Variants in GALNT18 observed in about 807,000 individuals in gnomAD.
The protein encoded by GALNT18 is GalNAc-transferase 18.
Under a neutral mutation model 69.5 loss-of-function variants are expected in GALNT18, and 44 were observed. The ratio of observed to expected loss-of-function variants is 0.63; its 90% CI spans 0.50 to 0.81. The LOEUF (loss-of-function observed/expected upper bound fraction) is 0.81. Ranked by LOEUF, GALNT18 falls within the 40% of genes least tolerant of loss-of-function variation. GALNT18 has a pLI of 0.00. For missense variants in GALNT18, 715 were observed against 810.0 expected (o/e 0.88, Z 1.42); for synonymous variants, 364 against 318.2 (o/e 1.14, Z -1.53).
Position 11,541,602 on chromosome 11 carries a change from C to A in GALNT18, c.235+79757G>T, listed in dbSNP as rs1590084625. ...AAGCCTTCCTGGGCTGGCACCCCAG[C>A]CCCACCCACAAATGCATCTCTGCCT... On this transcript the variant is annotated intron_variant, in intron 1 of 10. Coordinates refer to ENST00000227756, the MANE Select transcript of GALNT18 (RefSeq NM_198516.3). The surrounding 1 kb of genome is among the most constrained non-coding windows in gnomAD (Gnocchi z 4.8). Among the ~76,000 whole-genome samples, 1 of 152,152 alleles carries A rather than the reference C, an allele frequency of 6.6e-6. No homozygotes were observed. The highest frequency in any genetic ancestry group is 2.1e-4 in the South Asian group (1 of 4,816).
At chr11:11,388,074 A>G (rs935772403) in intron 3 of GALNT18, among the ~76,000 whole-genome samples, 2 of 152,232 alleles carry the variant, frequency 1.3e-5, no homozygotes, top group Non-Finnish European at 2.9e-5. Flanking sequence ...TACTCAGGCT[A>G]CAGGGTTCAG....
At chr11:11,476,162 C>T (rs1856392370) in intron 1 of GALNT18, 1 of 152,194 alleles carries the variant, frequency 6.6e-6, no homozygotes, top group Non-Finnish European at 1.5e-5. Flanking sequence ...GCCAGGTCCC[C>T]CTGGAAATCA....
At chr11:11,462,026 G>A (rs1856055040) in intron 1 of GALNT18, among the ~76,000 whole-genome samples, 1 of 152,230 alleles carries the variant, frequency 6.6e-6, no homozygotes, top group African/African-American at 2.4e-5. Context: ...GCGGGGTGCT[G>A]TAGGAACAGC....
intron 2 of GALNT18, among the ~76,000 whole-genome samples, chr11:11,447,458 C>T (rs969380430): frequency 6.6e-6 from 1 of 152,226 alleles, no homozygotes; most frequent in African/African-American, 2.4e-5. Context: ...ACTAGAATGC[C>T]AGCTCTGTGA....
At chr11:11,499,851 G>T (rs1185699555) in intron 1 of GALNT18, among the ~76,000 whole-genome samples, 1 of 152,184 alleles carries the variant, frequency 6.6e-6, no homozygotes, top group African/African-American at 2.4e-5. Flanking sequence ...GGGTAATGTG[G>T]ATGGGAAGAG....
intron 1 of GALNT18, among the ~76,000 whole-genome samples, chr11:11,518,327 A>G (rs10741552): frequency 0.86 from 130,663 of 152,270 alleles, 56,737 homozygotes; most frequent in Non-Finnish European, 0.92. Context: ...AATGATGTGC[A>G]AATGAGAAAA....
chr11:11,545,301 C>A (rs757376116), intron 1 of GALNT18, among the ~76,000 whole-genome samples: 2 of 152,164 alleles, frequency 1.3e-5, no homozygotes, highest in East Asian at 3.8e-4. Context: ...AAGCAACAAC[C>A]GAAACCAGTC....
At chr11:11,489,916 G>T (rs1856726520) in intron 1 of GALNT18, among the ~76,000 whole-genome samples, 2 of 152,076 alleles carry the variant, frequency 1.3e-5, no homozygotes, top group African/African-American at 4.8e-5. Flanking sequence ...TTAGAGTCTG[G>T]CTCTAGCCTC....
At chr11:11,352,454 C>T in intron 6 of GALNT18, 1 of 1,614,126 alleles carries the variant, frequency 6.2e-7, no homozygotes, top group Non-Finnish European at 8.5e-7. Context: ...TCATACTTGC[C>T]AGCATACAAC....
chr11:11,452,921 G>T (rs1043358708), intron 1 of GALNT18, among the ~76,000 whole-genome samples: 1 of 152,186 alleles, frequency 6.6e-6, no homozygotes, highest in Admixed American at 6.5e-5. Flanking sequence ...GGGCCCATTC[G>T]AGGCAGAGAT....
rs116728080 is a variant in GALNT18 at position 11,355,444 on chromosome 11, C to T, written c.1093-14440G>A. ...GCACAAAAAATTCTCAGTAGAATGA[C>T]CATATGTTCTGGTTTGCTGGGGACT... On this transcript the variant is annotated intron_variant, in intron 6 of 10. Coordinates refer to ENST00000227756, the MANE Select transcript of GALNT18 (RefSeq NM_198516.3). Among the ~76,000 whole-genome samples the T allele has an allele frequency of 5.1e-3, 779 of 152,216 alleles. 5 individuals carry two copies. Among genetic ancestry groups the T allele is most frequent in the African/African-American group, 0.018 (734 of 41,514 alleles).
chr11:11,301,060 G>A (rs1250165360), intron 9 of GALNT18, among the ~76,000 whole-genome samples: 1 of 152,106 alleles, frequency 6.6e-6, no homozygotes, highest in African/African-American at 2.4e-5. Context: ...GACAAGGTAG[G>A]CAGGGACGAG....
intron 3 of GALNT18, among the ~76,000 whole-genome samples, chr11:11,411,128 C>A (rs1165550523): frequency 6.6e-6 from 1 of 152,086 alleles, no homozygotes; most frequent in African/African-American, 2.4e-5. Flanking sequence ...TCCTGGGCAA[C>A]ACAGCAAGAC....
chr11:11,324,748 G>T (rs2722764), intron 9 of GALNT18, among the ~76,000 whole-genome samples: 133,767 of 152,096 alleles, frequency 0.88, 58,937 homozygotes, highest in Middle Eastern at 0.96. Context: ...TTTGATGAGA[G>T]TATGTGTTTT....
intron 6 of GALNT18, chr11:11,353,308 C>A: frequency 1.5e-6 from 1 of 673,282 alleles, no homozygotes. Flanking sequence ...GAGTGGGGAG[C>A]AATTTTCTAA....
chr11:11,424,708 A>C (rs1236392159), intron 3 of GALNT18, among the ~76,000 whole-genome samples: 1 of 152,144 alleles, frequency 6.6e-6, no homozygotes, highest in East Asian at 1.9e-4. Context: ...AGGAGGAGCC[A>C]GGGTGCGTGG....
chr11:11,322,970 G>A (rs1849862652), intron 9 of GALNT18, among the ~76,000 whole-genome samples: 1 of 150,552 alleles, frequency 6.6e-6, no homozygotes, highest in Non-Finnish European at 1.5e-5. Context: ...GCTCTTATAA[G>A]GACACTAATC....
intron 1 of GALNT18, among the ~76,000 whole-genome samples, chr11:11,482,134 T>C (rs1027151426): frequency 6.6e-6 from 1 of 152,230 alleles, no homozygotes; most frequent in Non-Finnish European, 1.5e-5. Context: ...ATGCAGCTCC[T>C]GGACTGCATG....
intron 1 of GALNT18, among the ~76,000 whole-genome samples, chr11:11,607,395 T>C (rs1410440031): frequency 6.6e-6 from 1 of 152,222 alleles, no homozygotes; most frequent in Non-Finnish European, 1.5e-5. Context: ...CAATTCTCTC[T>C]AGTAAAGAAG....
Sources: allele counts gnomAD v4.1 joint callset (sites outside exome capture counted in the v4.1 genomes callset), GRCh38; gene constraint gnomAD v4.1.1; non-coding constraint Gnocchi (gnomAD v3.1); transcripts MANE v1.5; gene names NCBI Gene and HGNC (gene_info 2026-07-23, HGNC 2026-07-21).